The following PAM variants were observed in gnomAD, a reference collection of about 807,000 sequenced individuals.
PAM encodes the protein peptidyl-glycine alpha-amidating monooxygenase.
Under a neutral mutation model 122.1 loss-of-function variants are expected in PAM, and 72 were observed. The ratio of observed to expected loss-of-function variants is 0.59; its 90% CI spans 0.49 to 0.72. The LOEUF (loss-of-function observed/expected upper bound fraction) is 0.72, where lower values mean the gene tolerates loss of function less well. Among genes scored for constraint, PAM ranks in the 30% least tolerant of loss-of-function variants. PAM has a pLI of 0.00. For synonymous variants in PAM, 389 were observed against 404.4 expected (o/e 0.96, Z 0.46); for missense variants, 1,106 against 1,183.7 (o/e 0.93, Z 0.96).
intron 1 of PAM, among the ~76,000 whole-genome samples, chr5:102,785,922 C>G (rs530385023): frequency 1.3e-5 from 2 of 151,950 alleles, no homozygotes; most frequent in East Asian, 3.9e-4. Context: ...TTAACATGTT[C>G]GTTTTATTTC....
At chr5:102,817,945 C>T (rs1186346832) in intron 1 of PAM, among the ~76,000 whole-genome samples, 2 of 148,688 alleles carry the variant, frequency 1.3e-5, no homozygotes, top group African/African-American at 5.0e-5. Context: ...CAGGTGTCTG[C>T]AGGGCCTGTG....
chr5:102,809,710 C>T (rs1477771831), intron 1 of PAM, among the ~76,000 whole-genome samples: 6 of 151,968 alleles, frequency 3.9e-5, no homozygotes, highest in African/African-American at 1.2e-4. Context: ...TACAAAGAAT[C>T]AGTGAGAAGT....
chr5:102,996,908 A>G (rs1337718077), intron 16 of PAM, among the ~76,000 whole-genome samples: 1 of 152,062 alleles, frequency 6.6e-6, no homozygotes, highest in Non-Finnish European at 1.5e-5. Flanking sequence ...TTATCTTTGG[A>G]TTTTGTTATG....
At position 103,007,020 on chromosome 5, in the gene PAM, T is replaced by A. The variant is rs777489060; in HGVS notation, c.2014+9T>A. On this transcript the variant is annotated intron_variant, in intron 19 of 25. Coordinates refer to ENST00000438793, the MANE Select transcript of PAM (RefSeq NM_001177306.2). ...CACACAGTGGGGAGAAGGTACCCAA[T>A]AAGACTCTTAATCTCCAGTTGTAAT... The A allele has an allele frequency of 3.2e-6, 5 of 1,575,156 alleles. No homozygotes were observed. Among genetic ancestry groups the A allele is most frequent in the Non-Finnish European group, 4.4e-6 (5 of 1,147,936 alleles).
At chr5:102,757,584 A>G (rs988521504) in intron 1 of PAM, among the ~76,000 whole-genome samples, 2 of 152,352 alleles carry the variant, frequency 1.3e-5, no homozygotes, top group East Asian at 3.9e-4. Context: ...CTTCAACTGT[A>G]TGTTGTGGTT....
chr5:102,897,904 C>G (rs1443048502), intron 3 of PAM, among the ~76,000 whole-genome samples: 1 of 151,584 alleles, frequency 6.6e-6, no homozygotes, highest in Admixed American at 6.6e-5. Flanking sequence ...TTGTTTGTCT[C>G]ATAATAATTT....
chr5:102,917,901 G>T (rs1313045349), intron 5 of PAM, among the ~76,000 whole-genome samples: 1 of 152,120 alleles, frequency 6.6e-6, no homozygotes, highest in Non-Finnish European at 1.5e-5. Context: ...ATTATATAGT[G>T]ATTTTAATTT....
chr5:102,939,485 G>A (rs998932628), intron 7 of PAM, among the ~76,000 whole-genome samples: 8 of 152,050 alleles, frequency 5.3e-5, no homozygotes, highest in Non-Finnish European at 1.2e-4. Flanking sequence ...CTACACTGAC[G>A]TTTTGTCTTA....
chr5:102,951,344 T>C (rs1758822311), intron 12 of PAM, among the ~76,000 whole-genome samples: 1 of 152,080 alleles, frequency 6.6e-6, no homozygotes, highest in African/African-American at 2.4e-5. Context: ...TGAGCCTCCT[T>C]GAAATAATTA....
chr5:102,892,244 G>A (rs1028710351), intron 3 of PAM, among the ~76,000 whole-genome samples: 1 of 151,810 alleles, frequency 6.6e-6, no homozygotes, highest in African/African-American at 2.4e-5. Context: ...CATGAAGGGA[G>A]GCAAATCCAT....
chr5:102,799,267 C>G (rs970737821), intron 1 of PAM, among the ~76,000 whole-genome samples: 1 of 152,158 alleles, frequency 6.6e-6, no homozygotes, highest in Admixed American at 6.5e-5. Context: ...GCTTGCTTCA[C>G]AATGCAACGT....
chr5:102,865,933 C>T lies in PAM; in HGVS notation c.-263C>T. The T allele has an allele frequency of 7.3e-6, 3 of 408,818 alleles. No individual in the cohort carries two copies. Among genetic ancestry groups the T allele is most frequent in the Non-Finnish European group, 8.6e-6 (2 of 233,470 alleles). 25.3% of individuals were successfully genotyped at this position (408,818 alleles called of 1,614,324 possible). ...CCCCAGCGCCAGGGCACGCGAGCGGCGCTGGAGGGAGGAAAGCTTCCGCCT... is the reference window on the plus strand; with the variant it reads ...CCCCAGCGCCAGGGCACGCGAGCGGTGCTGGAGGGAGGAAAGCTTCCGCCT... On this transcript the variant is annotated 5_prime_UTR_variant, in exon 2 of 26. Transcript: ENST00000438793.
chr5:102,949,560 C>A lies in PAM; in HGVS notation c.667C>A (p.His223Asn). ...AGTGGTGAATTCTGACATTTCATGC[C>A]ATTATAAAAATTATCCAATGCATGT... ...EKVVNSDISCHYKNYPMHVFA... is the reference protein window; with the variant it reads ...EKVVNSDISCNYKNYPMHVFA... Residue 223 changes from histidine to asparagine, a missense_variant, in exon 10 of 26, where the codon CAT (histidine) becomes AAT (asparagine). This residue lies in a region of PAM where 670 missense variants were observed against 690.3 expected (regional missense o/e 0.97). Coordinates refer to ENST00000438793, the MANE Select transcript of PAM (RefSeq NM_001177306.2). 6.5e-7 allele frequency: 1 copy of A among 1,545,084 alleles called. No individual in the cohort carries two copies. Among genetic ancestry groups the A allele is most frequent in the Non-Finnish European group, 8.9e-7 (1 of 1,117,390 alleles).
At chr5:102,785,906 A>AT (rs898109566) in intron 1 of PAM, among the ~76,000 whole-genome samples, 2 of 149,104 alleles carry the variant, frequency 1.3e-5, no homozygotes, top group Non-Finnish European at 2.9e-5. Context: ...GTACTAAATT[A>AT]TTTTTTTAAC....
intron 16 of PAM, among the ~76,000 whole-genome samples, chr5:102,999,600 A>G (rs1776763260): frequency 6.6e-6 from 1 of 152,082 alleles, no homozygotes. Context: ...CCTGCAGAAA[A>G]CTTCTTCCTG....
chr5:103,021,763 G>A (rs901284616), intron 23 of PAM, among the ~76,000 whole-genome samples: 21 of 152,158 alleles, frequency 1.4e-4, no homozygotes, highest in Non-Finnish European at 2.9e-4. Context: ...TGGATCTCTA[G>A]ATCTTATGTT....
chr5:102,811,650 A>G (rs572136148), intron 1 of PAM, among the ~76,000 whole-genome samples: 5 of 152,352 alleles, frequency 3.3e-5, no homozygotes, highest in African/African-American at 9.6e-5. Context: ...TCTACCCGCC[A>G]TTGAAGGATA....
intron 23 of PAM, among the ~76,000 whole-genome samples, chr5:103,020,791 G>A (rs767822124): frequency 6.6e-6 from 1 of 152,126 alleles, no homozygotes; most frequent in Non-Finnish European, 1.5e-5. Context: ...GCAACAGCAA[G>A]GGGGAGTTTA....
At chr5:102,795,730 G>A (rs32678) in intron 1 of PAM, among the ~76,000 whole-genome samples, 2 of 151,844 alleles carry the variant, frequency 1.3e-5, no homozygotes, top group Non-Finnish European at 2.9e-5. Context: ...GATCCCTAAC[G>A]GAAAGTCACA....
Sources: gnomAD v4.1 joint callset for allele counts (sites outside exome capture counted in the v4.1 genomes callset) on GRCh38, gnomAD v4.1.1 for gene constraint, gnomAD v4.1.1 regional missense constraint, MANE v1.5 for transcripts, NCBI Gene and HGNC (gene_info 2026-07-23, HGNC 2026-07-21) for gene names.